Variants in INPP4B observed in about 807,000 individuals in gnomAD.
INPP4B encodes the protein inositol polyphosphate-4-phosphatase type II B.
Under a neutral mutation model 122.5 loss-of-function variants are expected in INPP4B, and 55 were observed. The observed-to-expected ratio is 0.45, with a 90% CI of 0.36 to 0.56. INPP4B has a LOEUF of 0.56. Ranked by LOEUF, INPP4B falls within the 20% of genes least tolerant of loss-of-function variation. INPP4B has a pLI of 0.00. For synonymous variants in INPP4B, 403 were observed against 388.7 expected (o/e 1.04, Z -0.43); for missense variants, 1,000 against 1,097.7 (o/e 0.91, Z 1.26).
chr4:142,128,340 TATACACAC>T (rs1799583935), intron 18 of INPP4B, among the ~76,000 whole-genome samples: 1 of 95,776 alleles, frequency 1.0e-5, no homozygotes, highest in South Asian at 4.5e-4. Flanking sequence ...TTCGTACTTT[TATACACAC>T]ACACACACAC....
At chr4:142,516,308 T>A (rs921875493) in intron 2 of INPP4B, among the ~76,000 whole-genome samples, 3 of 152,190 alleles carry the variant, frequency 2.0e-5, no homozygotes, top group African/African-American at 7.2e-5. Context: ...GTACATTATT[T>A]GTCTTAAACA....
chr4:142,455,160 C>CA (rs1230545317), intron 3 of INPP4B, among the ~76,000 whole-genome samples: 1 of 151,934 alleles, frequency 6.6e-6, no homozygotes, highest in Admixed American at 6.6e-5. Flanking sequence ...CTTTGTGTTA[C>CA]AAATAATTCA....
chr4:142,813,727 G>A (rs1409660575), intron 1 of INPP4B, among the ~76,000 whole-genome samples: 3 of 152,092 alleles, frequency 2.0e-5, no homozygotes, highest in Non-Finnish European at 4.4e-5. Context: ...CTAAATCAAT[G>A]ATTTATAATA....
chr4:142,157,085 A>T (rs183014710), intron 17 of INPP4B, among the ~76,000 whole-genome samples: 33 of 152,258 alleles, frequency 2.2e-4, no homozygotes, highest in African/African-American at 6.0e-4. Flanking sequence ...CATTGACTAG[A>T]CTTGTAATCA....
chr4:142,082,479 C>A (rs1434715323), intron 24 of INPP4B, among the ~76,000 whole-genome samples: 2 of 152,108 alleles, frequency 1.3e-5, no homozygotes, highest in African/African-American at 4.8e-5. Flanking sequence ...AAGGGGGGTG[C>A]CTGGTCTGCA....
intron 19 of INPP4B, among the ~76,000 whole-genome samples, chr4:142,123,834 A>T (rs1246452523): frequency 6.6e-6 from 1 of 152,152 alleles, no homozygotes; most frequent in Admixed American, 6.6e-5. Flanking sequence ...ATATTTTCCG[A>T]CACCTGGTTA....
intron 1 of INPP4B, among the ~76,000 whole-genome samples, chr4:142,803,066 G>A (rs1303107385): frequency 2.0e-5 from 3 of 151,484 alleles, no homozygotes; most frequent in Admixed American, 1.3e-4. Context: ...GCTACAGGGC[G>A]GGAGCTGAGG....
intron 23 of INPP4B, among the ~76,000 whole-genome samples, chr4:142,103,021 C>T (rs1317497201): frequency 6.6e-6 from 1 of 152,040 alleles, no homozygotes; most frequent in Non-Finnish European, 1.5e-5. Context: ...TAGCTTTCAC[C>T]ACTCTGTTTC....
intron 25 of INPP4B, among the ~76,000 whole-genome samples, chr4:142,042,516 G>GTGTGTA (rs1297140777): frequency 2.1e-5 from 1 of 48,128 alleles, no homozygotes; most frequent in African/African-American, 4.0e-5. Flanking sequence ...TTATGTGTGT[G>GTGTGTA]TGTATGTATG....
chr4:142,136,411 G>A (rs1459443779), intron 18 of INPP4B, among the ~76,000 whole-genome samples: 2 of 152,244 alleles, frequency 1.3e-5, no homozygotes, highest in African/African-American at 4.8e-5. Flanking sequence ...GCAACTCAGA[G>A]CATTAATCTC....
chr4:142,150,444 A>G (rs2152862551), intron 17 of INPP4B, among the ~76,000 whole-genome samples: 1 of 152,300 alleles, frequency 6.6e-6, no homozygotes, highest in African/African-American at 2.4e-5. Context: ...CTACTGTATG[A>G]AGGAAGTAAT....
chr4:142,434,362 G>T (rs1402589463), intron 3 of INPP4B, among the ~76,000 whole-genome samples: 1 of 152,148 alleles, frequency 6.6e-6, no homozygotes, highest in Non-Finnish European at 1.5e-5. Context: ...GAAGGGAGGA[G>T]AACTCACTGG....
At chr4:142,317,917 G>C (rs1768378231) in intron 7 of INPP4B, among the ~76,000 whole-genome samples, 2 of 152,176 alleles carry the variant, frequency 1.3e-5, no homozygotes, top group South Asian at 4.1e-4. Context: ...ATTTACTGTA[G>C]AGGGCTGTCT....
At chr4:142,358,940 T>C (rs1784509186) in intron 7 of INPP4B, among the ~76,000 whole-genome samples, 1 of 151,988 alleles carries the variant, frequency 6.6e-6, no homozygotes, top group Non-Finnish European at 1.5e-5. Flanking sequence ...GAGCAATCAA[T>C]GTGGCAAGTC....
chr4:142,112,558 G>T lies in INPP4B; in HGVS notation c.2260C>A (p.Gln754Lys), dbSNP rs1364129144. ...AAAGCTTACCTTTCAGCCAGAGTTT[G>T]CTGTTCATTGATTCCAACATTAAAA... ...VLFNVGINEQQTLAERFGDVS... is the reference protein window; with the variant it reads ...VLFNVGINEQKTLAERFGDVS... Residue 754 changes from glutamine (Q) to lysine (K), a missense_variant, in exon 22 of 26, where the codon CAA (glutamine) becomes AAA (lysine). By Grantham distance (53) the Gln-to-Lys change is moderately conservative. Coordinates refer to ENST00000262992, the MANE Select transcript of INPP4B (RefSeq NM_001101669.3). The T allele has an allele frequency of 1.5e-5, 24 of 1,612,948 alleles. No individual in the cohort carries two copies. The highest frequency in any genetic ancestry group is 1.0e-4 in the Admixed American group (6 of 59,878).
chr4:142,188,114 T>C (rs532618965), intron 15 of INPP4B, among the ~76,000 whole-genome samples: 93 of 152,250 alleles, frequency 6.1e-4, no homozygotes, highest in Admixed American at 3.9e-3. Context: ...AGCATATTTC[T>C]TTACAAAACT....
chr4:142,055,259 T>A lies in INPP4B; in HGVS notation c.2643-26345A>T, dbSNP rs144758302. 7.2e-4 allele frequency among the ~76,000 whole-genome samples: 109 copies of A among 152,238 alleles called. 3 individuals are homozygous for A. The East Asian group carries it at 0.02, about 29-fold the overall frequency. On this transcript the variant is annotated intron_variant, in intron 25 of 25. Transcript: ENST00000262992. ...AAACCACTATTAATGGTTTATTAAT[T>A]AATAATGATAATCACTGATTTCTAA...
chr4:142,507,112 G>A (rs116561149), intron 2 of INPP4B, among the ~76,000 whole-genome samples: 3 of 152,204 alleles, frequency 2.0e-5, no homozygotes, highest in Admixed American at 6.5e-5. Context: ...AGATGAATTC[G>A]TATTTTCTTT....
chr4:142,119,319 A>T (rs58531376), intron 21 of INPP4B, among the ~76,000 whole-genome samples: 19,417 of 152,106 alleles, frequency 0.13, 1,423 homozygotes, highest in East Asian at 0.24. Flanking sequence ...GGATTATAAA[A>T]CATGCTGCTA....
Sources: gnomAD v4.1 joint callset for allele counts (sites outside exome capture counted in the v4.1 genomes callset) on GRCh38, gnomAD v4.1.1 for gene constraint, MANE v1.5 for transcripts, NCBI Gene and HGNC (gene_info 2026-07-23, HGNC 2026-07-21) for gene names.